Variants in AFG2A observed in about 807,000 individuals in gnomAD.
AFG2A encodes the protein ATPase family gene 2 protein homolog A.
the AFG2A span, among the ~76,000 whole-genome samples, chr4:123,152,505 A>C: frequency 6.6e-6 from 1 of 152,238 alleles, no homozygotes; most frequent in African/African-American, 2.4e-5. Flanking sequence ...AAATAAGCAT[A>C]TGAAAAGATA....
At chr4:123,146,001 G>C in the AFG2A span, among the ~76,000 whole-genome samples, 1 of 151,940 alleles carries the variant, frequency 6.6e-6, no homozygotes, top group Non-Finnish European at 1.5e-5. Flanking sequence ...TTAATGTCTA[G>C]AATCCTGTTA....
the AFG2A span, among the ~76,000 whole-genome samples, chr4:123,048,943 A>G: frequency 6.6e-6 from 1 of 152,088 alleles, no homozygotes; most frequent in African/African-American, 2.4e-5. Context: ...TTTGTTTCAG[A>G]TCTTGGTGTA....
At chr4:122,952,240 T>A in the AFG2A span, among the ~76,000 whole-genome samples, 2 of 152,196 alleles carry the variant, frequency 1.3e-5, no homozygotes. Context: ...TGTCTCTGCC[T>A]TTGCCACGGG....
chr4:123,229,095 A>C, the AFG2A span, among the ~76,000 whole-genome samples: 12 of 152,094 alleles, frequency 7.9e-5, no homozygotes, highest in East Asian at 2.3e-3. Context: ...AAACCAGCAC[A>C]ATTTCTGGCA....
At chr4:123,056,069 G>C in the AFG2A span, among the ~76,000 whole-genome samples, 1 of 152,204 alleles carries the variant, frequency 6.6e-6, no homozygotes, top group African/African-American at 2.4e-5. Flanking sequence ...AGAAATGGCT[G>C]TTCCATCTTC....
the AFG2A span, among the ~76,000 whole-genome samples, chr4:123,033,021 C>A: frequency 6.6e-6 from 1 of 152,150 alleles, no homozygotes; most frequent in Non-Finnish European, 1.5e-5. Flanking sequence ...CCTTGTAAAT[C>A]AAGGAGCATC....
the AFG2A span, among the ~76,000 whole-genome samples, chr4:123,094,621 A>G: frequency 6.6e-6 from 1 of 152,122 alleles, no homozygotes; most frequent in Non-Finnish European, 1.5e-5. Flanking sequence ...TCAGAACCAG[A>G]GGAGAAACAA....
the AFG2A span, among the ~76,000 whole-genome samples, chr4:123,035,367 GT>G: frequency 1.3e-5 from 2 of 149,834 alleles, no homozygotes; most frequent in South Asian, 4.2e-4. Flanking sequence ...TTAGAGTTTT[GT>G]TTTTTTTTAA....
the AFG2A span, among the ~76,000 whole-genome samples, chr4:123,007,571 TGTGTGTGTGTGTGTGTGTGTGTG>T: frequency 0.081 from 340 of 4,182 alleles, 2 homozygotes; most frequent in Non-Finnish European, 0.18. Context: ...TGTGTATATG[TGTGTGTGTGTGTGTGTGTGTGTG>T]TGTGTGTGTG....
At chr4:123,101,130 G>C in the AFG2A span, among the ~76,000 whole-genome samples, 1 of 151,852 alleles carries the variant, frequency 6.6e-6, no homozygotes, top group South Asian at 2.1e-4. Flanking sequence ...AATTTATATA[G>C]CTTTCTTTTT....
the AFG2A span, among the ~76,000 whole-genome samples, chr4:123,294,074 A>G: frequency 6.6e-6 from 1 of 152,114 alleles, no homozygotes; most frequent in African/African-American, 2.4e-5. Context: ...AAGTTTTCTG[A>G]TGCCACAGGC....
the AFG2A span, among the ~76,000 whole-genome samples, chr4:123,214,718 C>T: frequency 2.0e-5 from 3 of 152,014 alleles, no homozygotes; most frequent in Admixed American, 6.6e-5. Flanking sequence ...ACAAACACTA[C>T]TCAGCCTTAA....
chr4:123,118,254 CAA>C, the AFG2A span, among the ~76,000 whole-genome samples: 28 of 140,766 alleles, frequency 2.0e-4, no homozygotes, highest in South Asian at 1.3e-3. Flanking sequence ...TTAACACAAA[CAA>C]AAAAATATGC....
the AFG2A span, among the ~76,000 whole-genome samples, chr4:123,127,757 A>G: frequency 3.3e-5 from 5 of 152,062 alleles, no homozygotes; most frequent in Admixed American, 1.3e-4. Flanking sequence ...ATTTTCCCCT[A>G]TGAACTTGAG....
the AFG2A span, among the ~76,000 whole-genome samples, chr4:123,246,718 C>G: frequency 3.9e-5 from 6 of 152,266 alleles, no homozygotes; most frequent in South Asian, 1.2e-3. Flanking sequence ...TAAGCATACC[C>G]TCTAATCCAT....
chr4:123,262,101 C>G, the AFG2A span, among the ~76,000 whole-genome samples: 1 of 152,124 alleles, frequency 6.6e-6, no homozygotes, highest in Admixed American at 6.6e-5. Context: ...ATATGAGCAG[C>G]TGCCTCATCT....
the AFG2A span, chr4:122,928,940 A>G: frequency 2.9e-6 from 4 of 1,394,926 alleles, no homozygotes; most frequent in African/African-American, 1.5e-5. Context: ...TGTATTTTGC[A>G]TATCTTAAGT....
the AFG2A span, among the ~76,000 whole-genome samples, chr4:123,144,336 A>T: frequency 1.0e-3 from 154 of 152,224 alleles, no homozygotes; most frequent in Non-Finnish European, 1.7e-3. Context: ...AAGTTCAATT[A>T]ATGTAAGGAT....
At chr4:123,149,500 A>G in the AFG2A span, among the ~76,000 whole-genome samples, 2 of 152,206 alleles carry the variant, frequency 1.3e-5, no homozygotes, top group Non-Finnish European at 2.9e-5. Flanking sequence ...CAATTTCATA[A>G]TATGTTTGTC....
Sources: gnomAD v4.1 joint callset for allele counts (sites outside exome capture counted in the v4.1 genomes callset) on GRCh38, gnomAD v4.1.1 for gene constraint, MANE v1.5 for transcripts, NCBI Gene and HGNC (gene_info 2026-07-23, HGNC 2026-07-21) for gene names.